The following LIMCH1 variants were observed in gnomAD, a reference collection of about 807,000 sequenced individuals.
The protein encoded by LIMCH1 is LIM and calponin homology domains 1, also known as LIM and calponin homology domains-containing protein 1.
In LIMCH1, 113 loss-of-function variants were observed where a neutral mutation model predicts 176.5. The ratio of observed to expected loss-of-function variants is 0.64; its 90% CI spans 0.55 to 0.75. The LOEUF (loss-of-function observed/expected upper bound fraction) is 0.75. LIMCH1 is among the 30% of genes least tolerant of loss of function. The pLI, the probability that LIMCH1 is intolerant of heterozygous loss-of-function variation, is 0.00. For missense variants in LIMCH1, 1,674 were observed against 1,814.9 expected, an observed-to-expected ratio of 0.92 and a Z score of 1.41; for synonymous variants, 619 against 645.9, an observed-to-expected ratio of 0.96 and a Z score of 0.63.
At chr4:41,437,783 T>A (rs1384327765) in intron 1 of LIMCH1, among the ~76,000 whole-genome samples, 1 of 152,256 alleles carries the variant, frequency 6.6e-6, no homozygotes, top group Non-Finnish European at 1.5e-5. Context: ...TCTTCTTTTT[T>A]GTTTTTTTTC....
At chr4:41,363,173 G>A (rs1278503881) in intron 1 of LIMCH1, among the ~76,000 whole-genome samples, 2 of 152,240 alleles carry the variant, frequency 1.3e-5, no homozygotes, top group East Asian at 1.9e-4. Context: ...TGCAAACCAC[G>A]GGAACCCAGA....
In LIMCH1 at chr4:41,649,967, C is replaced by A. The variant is rs547325795; in HGVS notation, c.2821-426C>A. Among the ~76,000 whole-genome samples the A allele has an allele frequency of 3.9e-5, 6 of 152,276 alleles. No homozygotes were observed. In the East Asian group the frequency reaches 1.2e-3, roughly 29 times the overall value. ...ACCATGGGATAAGCTGTAAAATATT[C>A]CTGATCTGTGGTAAGTTCCGCCTCA... On this transcript the variant is annotated intron_variant, in intron 17 of 31. Transcript: ENST00000503057.
rs201363446 is a variant in LIMCH1, at chr4:41,499,823, G to GA, written c.167+5227dup. On this transcript the variant is annotated intron_variant, in intron 2 of 26. Coordinates refer to the LIMCH1 transcript ENST00000313860. Reference sequence around the variant, plus strand: ...CAGAACAAGACTCCATCTCAAAAAAGAAAAAAAAAATCTAAGATCTAATCA... The same window carrying GA: ...CAGAACAAGACTCCATCTCAAAAAAGAAAAAAAAAAATCTAAGATCTAATCA... Among the ~76,000 whole-genome samples, 596 of 148,858 alleles carry GA rather than the reference G, an allele frequency of 4.0e-3. 5 individuals carry two copies. Among genetic ancestry groups the GA allele is most frequent in the African/African-American group, 0.014 (554 of 40,614 alleles).
intron 25 of LIMCH1, among the ~76,000 whole-genome samples, chr4:41,681,577 A>T (rs955807155): frequency 1.3e-5 from 2 of 152,126 alleles, no homozygotes; most frequent in African/African-American, 2.4e-5. Context: ...GAGGCAAAGG[A>T]TCCCTTAAGC....
chr4:41,640,276 C>T (rs1296659384), intron 14 of LIMCH1, among the ~76,000 whole-genome samples: 1 of 152,178 alleles, frequency 6.6e-6, no homozygotes, highest in African/African-American at 2.4e-5. Flanking sequence ...GATTGACAGG[C>T]AAAACACTAC....
Position 41,682,058 on chromosome 4 carries a change from C to T in LIMCH1, c.3718-275C>T, listed in dbSNP as rs1403782042. On this transcript the variant is annotated intron_variant, in intron 25 of 31. Coordinates refer to ENST00000503057, the MANE Select transcript of LIMCH1 (RefSeq NM_001330672.2). ...AAAATAACCTGTGGATACCAGAAAACCATTTGTCCTGAAATGAGCGGTCCT... is the reference window on the plus strand; with the variant it reads ...AAAATAACCTGTGGATACCAGAAAATCATTTGTCCTGAAATGAGCGGTCCT... Among the ~76,000 whole-genome samples, 3 of 152,266 alleles carry T rather than the reference C, an allele frequency of 2.0e-5. No homozygotes were observed. The East Asian group carries it at 5.8e-4, about 29-fold the overall frequency.
intron 1 of LIMCH1, among the ~76,000 whole-genome samples, chr4:41,422,855 T>G (rs2060734419): frequency 6.6e-6 from 1 of 152,178 alleles, no homozygotes; most frequent in Non-Finnish European, 1.5e-5. Flanking sequence ...CCTCCTGGAC[T>G]CAAGTAATCC....
intron 1 of LIMCH1, among the ~76,000 whole-genome samples, chr4:41,395,491 C>T (rs2057714552): frequency 6.6e-6 from 1 of 151,998 alleles, no homozygotes; most frequent in South Asian, 2.1e-4. Context: ...GATCCGCCCG[C>T]CTTGGCCTCC....
chr4:41,553,935 A>G (rs2080885253), intron 1 of LIMCH1, among the ~76,000 whole-genome samples: 2 of 152,182 alleles, frequency 1.3e-5, no homozygotes, highest in African/African-American at 4.8e-5. Context: ...ACCTAAGTGA[A>G]TTCTCAAGCT....
At chr4:41,407,519 T>C (rs4241693) in intron 1 of LIMCH1, among the ~76,000 whole-genome samples, 130,820 of 152,244 alleles carry the variant, frequency 0.86, 56,947 homozygotes, top group East Asian at 0.99. Flanking sequence ...CATGAGCCAC[T>C]GCACCTGGCC....
chr4:41,416,387 C>T (rs1185401898), intron 1 of LIMCH1, among the ~76,000 whole-genome samples: 5 of 152,022 alleles, frequency 3.3e-5, no homozygotes, highest in Middle Eastern at 3.2e-3. Context: ...TTCTGTGGCT[C>T]ACGCTTGTAA....
chr4:41,650,508 G>T lies in LIMCH1; in HGVS notation c.2936G>T (p.Gly979Val). 6.2e-7 allele frequency: 1 copy of T among 1,614,128 alleles called. No individual in the cohort carries two copies. The highest frequency in any genetic ancestry group is 8.5e-7 in the Non-Finnish European group (1 of 1,180,020). Reference sequence around the variant, plus strand: ...TTAACCAAATCCCAGATGTTTGAAGGTGTGGCCAGAGTGCACGGGTCTCCA... The same window carrying T: ...TTAACCAAATCCCAGATGTTTGAAGTTGTGGCCAGAGTGCACGGGTCTCCA... ...HSLTKSQMFE[G>V]VARVHGSPLE... Residue 979 changes from glycine to valine, a missense_variant, in exon 18 of 32, where the codon GGT becomes GTT. Physicochemically the swap from Gly to Val is moderately radical, Grantham distance 109 (BLOSUM62 -3). Coordinates refer to ENST00000503057, the MANE Select transcript of LIMCH1 (RefSeq NM_001330672.2).
intron 2 of LIMCH1, among the ~76,000 whole-genome samples, chr4:41,495,027 C>T (rs550550368): frequency 2.3e-4 from 35 of 152,298 alleles, no homozygotes; most frequent in Admixed American, 9.8e-4. Flanking sequence ...CCGGGTAATG[C>T]TCCTCACTTT....
chr4:41,378,864 C>T (rs950317054), intron 1 of LIMCH1, among the ~76,000 whole-genome samples: 3 of 151,904 alleles, frequency 2.0e-5, no homozygotes, highest in African/African-American at 7.3e-5. Context: ...TATTAGAAGG[C>T]CTTGACGAAG....
At chr4:41,548,887 A>T (rs910263647) in intron 1 of LIMCH1, among the ~76,000 whole-genome samples, 1 of 152,150 alleles carries the variant, frequency 6.6e-6, no homozygotes, top group Non-Finnish European at 1.5e-5. Context: ...GCTGGGTTGC[A>T]GTGCTGGCTC....
intron 1 of LIMCH1, among the ~76,000 whole-genome samples, chr4:41,465,735 A>T (rs1480687256): frequency 6.6e-6 from 1 of 152,128 alleles, no homozygotes; most frequent in Non-Finnish European, 1.5e-5. Context: ...CCCAAGTAAT[A>T]ATTTTCTATA....
intron 19 of LIMCH1, chr4:41,661,818 G>T: frequency 5.2e-6 from 2 of 382,910 alleles, no homozygotes; most frequent in South Asian, 5.1e-5. Context: ...AAAATTGAGG[G>T]TAGGATTTTG....
rs1375553406 is a variant in LIMCH1, at chr4:41,633,759, C to T, written c.2041C>T (p.Gln681Ter). Residue 681 changes from glutamine (Q) to a stop codon, truncating the protein, a stop_gained, in exon 13 of 32, where the codon CAA (glutamine) becomes TAA (stop). Transcript: ENST00000503057. LOFTEE classifies it high-confidence loss of function. ...GTTCCTTCCAGTTCCATTTGCAAAG[C>T]AACAGGATGTGGAAGAATCTTCTAA... ...NQFLPVPFAK[Q>*]QDVEESSKGL... The T allele has an allele frequency of 1.3e-6, 2 of 1,536,054 alleles. No homozygotes were observed. The highest frequency in any genetic ancestry group is 2.7e-5 in the African/African-American group (2 of 73,046).
At chr4:41,451,273 G>A (rs576288828) in intron 1 of LIMCH1, among the ~76,000 whole-genome samples, 4 of 151,366 alleles carry the variant, frequency 2.6e-5, no homozygotes, top group South Asian at 4.2e-4. Context: ...GTGCCACCAC[G>A]CCTGGCTAAT....
Sources: gnomAD v4.1 joint callset for allele counts (sites outside exome capture counted in the v4.1 genomes callset) on GRCh38, gnomAD v4.1.1 for gene constraint, MANE v1.5 for transcripts, NCBI Gene and HGNC (gene_info 2026-07-23, HGNC 2026-07-21) for gene names.